Variants in GNAQ observed in about 807,000 individuals in gnomAD.
The protein encoded by GNAQ is G protein subunit alpha q.
A neutral mutation model predicts 43.9 loss-of-function variants in GNAQ; 8 were observed. That is an observed-to-expected ratio of 0.18 (90% CI 0.11 to 0.33). GNAQ has a LOEUF of 0.33. Among genes scored for constraint, GNAQ ranks in the 10% least tolerant of loss-of-function variants. The probability of loss-of-function intolerance (pLI) is 1.00; values close to 1 mark genes in which losing one functional copy is unlikely to be tolerated. For synonymous variants in GNAQ, 155 were observed against 170.7 expected (o/e 0.91, Z 0.71); for missense variants, 158 against 450.8 (o/e 0.35, Z 5.88).
intron 2 of GNAQ, among the ~76,000 whole-genome samples, chr9:77,832,143 A>G (rs1370686655): frequency 1.3e-5 from 2 of 150,472 alleles, no homozygotes; most frequent in African/African-American, 2.4e-5. Flanking sequence ...TACTGTACCC[A>G]TCACATACAA....
At chr9:77,889,794 C>G (rs140770304) in intron 2 of GNAQ, among the ~76,000 whole-genome samples, 1 of 152,172 alleles carries the variant, frequency 6.6e-6, no homozygotes, top group South Asian at 2.1e-4. Flanking sequence ...AAATGCACAA[C>G]TATCTTTATA....
intron 1 of GNAQ, among the ~76,000 whole-genome samples, chr9:77,982,405 A>G (rs746515780): frequency 5.9e-5 from 9 of 152,204 alleles, no homozygotes; most frequent in Non-Finnish European, 1.0e-4. Context: ...AGATCAGTCA[A>G]TTATGGGAAT....
intron 1 of GNAQ, among the ~76,000 whole-genome samples, chr9:78,012,107 C>G (rs965830803): frequency 2.0e-5 from 3 of 152,156 alleles, no homozygotes; most frequent in African/African-American, 4.8e-5. Flanking sequence ...CTTATCAAAT[C>G]TATCTGCTGG....
intron 2 of GNAQ, among the ~76,000 whole-genome samples, chr9:77,837,849 T>C (rs1017357004): frequency 2.3e-5 from 2 of 86,708 alleles, no homozygotes; most frequent in Non-Finnish European, 3.6e-5. Flanking sequence ...TGATTTAAAT[T>C]TTTTTTTTTT....
At chr9:77,764,517 G>A (rs1826102098) in intron 5 of GNAQ, among the ~76,000 whole-genome samples, 1 of 151,278 alleles carries the variant, frequency 6.6e-6, no homozygotes, top group South Asian at 2.1e-4. Context: ...ATGCAGTGGC[G>A]CGATCTCAGC....
chr9:77,884,479 G>T (rs762960127), intron 2 of GNAQ, among the ~76,000 whole-genome samples: 1 of 152,196 alleles, frequency 6.6e-6, no homozygotes, highest in African/African-American at 2.4e-5. Flanking sequence ...AACAATGAAC[G>T]AAGCAAGCTG....
At chr9:77,828,483 GGGC>G (rs1462780521) in intron 2 of GNAQ, among the ~76,000 whole-genome samples, 3 of 151,964 alleles carry the variant, frequency 2.0e-5, no homozygotes, top group Non-Finnish European at 4.4e-5. Context: ...TTTTTCTTTT[GGGC>G]CATTCACAGT....
At chr9:77,905,230 A>T (rs1386677151) in intron 2 of GNAQ, among the ~76,000 whole-genome samples, 1 of 152,224 alleles carries the variant, frequency 6.6e-6, no homozygotes, top group Non-Finnish European at 1.5e-5. Context: ...ATTAATAGAA[A>T]TTTTTACAAT....
intron 5 of GNAQ, among the ~76,000 whole-genome samples, chr9:77,746,854 C>G (rs1177664101): frequency 6.6e-6 from 1 of 152,006 alleles, no homozygotes; most frequent in Non-Finnish European, 1.5e-5. Context: ...ATAACAGAAA[C>G]TAAGAGTTAG....
chr9:77,737,524 CT>C (rs202187408), intron 5 of GNAQ, among the ~76,000 whole-genome samples: 2 of 152,022 alleles, frequency 1.3e-5, no homozygotes, highest in Admixed American at 6.6e-5. Context: ...AAAGACATTC[CT>C]TTTTTTTGCA....
chr9:77,782,599 AAAAAC>A (rs1826411718), intron 5 of GNAQ, among the ~76,000 whole-genome samples: 1 of 152,204 alleles, frequency 6.6e-6, no homozygotes, highest in Non-Finnish European at 1.5e-5. Flanking sequence ...TTTCCCTTAA[AAAAAC>A]TAAACATACT....
intron 5 of GNAQ, among the ~76,000 whole-genome samples, chr9:77,739,365 A>C: frequency 6.6e-6 from 1 of 151,854 alleles, no homozygotes; most frequent in East Asian, 1.9e-4. Flanking sequence ...TTGTCCATGA[A>C]AATCAGTCTG....
chr9:77,799,722 G>A (rs1304807713), intron 3 of GNAQ, among the ~76,000 whole-genome samples: 1 of 152,276 alleles, frequency 6.6e-6, no homozygotes, highest in East Asian at 1.9e-4. Flanking sequence ...TTGGAGGTGT[G>A]TTATCAATTC....
At chr9:77,762,459 AT>A (rs1826057238) in intron 5 of GNAQ, among the ~76,000 whole-genome samples, 6 of 103,644 alleles carry the variant, frequency 5.8e-5, no homozygotes, top group African/African-American at 2.6e-4. Context: ...CAGCCGCCCC[AT>A]CCGGGAGGGA....
At chr9:77,947,105 C>T (rs77029988) in intron 1 of GNAQ, among the ~76,000 whole-genome samples, 1 of 152,234 alleles carries the variant, frequency 6.6e-6, no homozygotes, top group African/African-American at 2.4e-5. Flanking sequence ...CTGGGCAAAA[C>T]CTCCCCCATT....
intron 1 of GNAQ, among the ~76,000 whole-genome samples, chr9:77,944,649 A>G (rs959469702): frequency 4.6e-5 from 7 of 152,326 alleles, no homozygotes; most frequent in South Asian, 2.1e-4. Flanking sequence ...TCTGCCACTC[A>G]TTGTAACGCA....
At chr9:78,026,926 T>A (rs1428599379) in intron 1 of GNAQ, among the ~76,000 whole-genome samples, 1 of 152,234 alleles carries the variant, frequency 6.6e-6, no homozygotes, top group East Asian at 1.9e-4. Context: ...AACACCCATT[T>A]AGTCATCACC....
chr9:77,975,181 G>A (rs888651276), intron 1 of GNAQ, among the ~76,000 whole-genome samples: 2 of 152,122 alleles, frequency 1.3e-5, no homozygotes, highest in African/African-American at 4.8e-5. Flanking sequence ...AGGATTAAGT[G>A]GGATAAAAAA....
intron 1 of GNAQ, among the ~76,000 whole-genome samples, chr9:78,030,356 G>T (rs1165934043): frequency 6.6e-6 from 1 of 152,018 alleles, no homozygotes; most frequent in Non-Finnish European, 1.5e-5. Context: ...CGAGAATAAC[G>T]CCTGTCACCA....
Sources: gnomAD v4.1 joint callset for allele counts (sites outside exome capture counted in the v4.1 genomes callset) on GRCh38, gnomAD v4.1.1 for gene constraint, MANE v1.5 for transcripts, NCBI Gene and HGNC (gene_info 2026-07-23, HGNC 2026-07-21) for gene names.